The following PNCK variants were observed in gnomAD, a reference collection of about 807,000 sequenced individuals.
The protein encoded by PNCK is pregnancy up-regulated nonubiquitous CaM kinase.
In PNCK, 21 loss-of-function variants were observed where a neutral mutation model predicts 28.3. The ratio of observed to expected loss-of-function variants is 0.74; its 90% CI spans 0.53 to 1.07. The LOEUF (loss-of-function observed/expected upper bound fraction) is 1.07, where lower values mean the gene tolerates loss of function less well. Ranked by LOEUF, PNCK falls within the 50% of genes least tolerant of loss-of-function variation. The pLI is 0.00. For missense variants in PNCK, 250 were observed against 298.3 expected, an observed-to-expected ratio of 0.84 and a Z score of 1.19; for synonymous variants, 136 against 125.2, an observed-to-expected ratio of 1.09 and a Z score of -0.58.
chrX:153,672,559 T>C lies in PNCK; in HGVS notation c.200+7A>G, dbSNP rs2091316982. 8.3e-7 allele frequency: 1 copy of C among 1,202,011 alleles called. No individual in the cohort carries two copies. The highest frequency in any genetic ancestry group is 1.8e-5 in the South Asian group (1 of 56,531). On this transcript the variant is annotated splice_region_variant and intron_variant, in intron 3 of 11. Transcript: ENST00000340888. ...TGCCCCGTCCCAGGGCCCCGCGAGG[T>C]GCGCACCTACGGAGCACTGCGATCT...
chrX:153,686,365 C>T (rs2091419422), intron 1 of PNCK: 2 of 111,197 alleles, frequency 1.8e-5, no homozygotes, highest in Non-Finnish European at 3.8e-5. Context: ...GTCTCCCCTG[C>T]CCGCGGCTCC....
In PNCK at chrX:153,673,649, C is replaced by A. The variant is rs2148343109; in HGVS notation, c.-3+131G>T. Reference sequence around the variant, plus strand: ...CGCCCGCGTCCCGAGCTGCGTGGACCGAGCGCGTGCGGGCAGGGGGCGCGC... The same window carrying A: ...CGCCCGCGTCCCGAGCTGCGTGGACAGAGCGCGTGCGGGCAGGGGGCGCGC... On this transcript the variant is annotated intron_variant, in intron 1 of 11. Coordinates refer to ENST00000340888, the MANE Select transcript of PNCK (RefSeq NM_001366977.1). 4 of 348,688 alleles carry A rather than the reference C, an allele frequency of 1.1e-5. No individual in the cohort carries two copies. In the South Asian group the frequency reaches 4.3e-4, roughly 37 times the overall value. The allele number at this position is 348,688 out of a possible 1,213,427, so 28.7% of individuals were successfully genotyped here.
At chrX:153,682,315 CTG>C (rs1442343228) in intron 1 of PNCK, among the ~76,000 whole-genome samples, 4 of 111,586 alleles carry the variant, frequency 3.6e-5, no homozygotes, top group Non-Finnish European at 7.5e-5. Context: ...GGGTGTCGCA[CTG>C]TCTCTCAGGC....
Position 153,670,908 on chromosome X carries a change from TC to T in PNCK, c.806+9del. The T allele has an allele frequency of 1.7e-6, 2 of 1,211,904 alleles. No individual in the cohort carries two copies. The highest frequency in any genetic ancestry group is 2.2e-6 in the Non-Finnish European group (2 of 895,391). ...TGGCCCTGGGGCAGCTCAGCAGGGCTCCCACTCACCAAAGGTGCCGCAAGGC... is the reference window on the plus strand; with the variant it reads ...TGGCCCTGGGGCAGCTCAGCAGGGCTCCACTCACCAAAGGTGCCGCAAGGC... On this transcript the variant is annotated intron_variant, in intron 9 of 11. Transcript: ENST00000340888.
intron 1 of PNCK, among the ~76,000 whole-genome samples, chrX:153,681,243 A>G (rs2091394512): frequency 8.9e-6 from 1 of 111,776 alleles, no homozygotes; most frequent in Non-Finnish European, 1.9e-5. Context: ...AGAACAAAAC[A>G]TTACTTGTGT....
upstream of PNCK, among the ~76,000 whole-genome samples, chrX:153,677,743 GTATATATAGTGTGTATATATAGTGTGTA>G (rs1168379596): frequency 4.9e-5 from 5 of 102,311 alleles, no homozygotes; most frequent in Non-Finnish European, 9.8e-5. Flanking sequence ...TATATAGTGT[GTATATATAGTGTGTATATATAGTGTGTA>G]TATATATAGT....
Position 153,673,554 on chromosome X carries a change from G to C in PNCK, c.-3+226C>G. The C allele has an allele frequency of 8.9e-6, 3 of 338,471 alleles. No individual in the cohort carries two copies. In the East Asian group the frequency reaches 1.9e-4, roughly 21 times the overall value. 27.9% of individuals were successfully genotyped at this position (338,471 alleles called of 1,213,427 possible). ...CGCGCAGCCACCTGCCAAGACCGCG[G>C]CCACCCACGCGGCCGCAGACGCAGC... On this transcript the variant is annotated intron_variant, in intron 1 of 11. Coordinates refer to ENST00000340888, the MANE Select transcript of PNCK (RefSeq NM_001366977.1).
chrX:153,672,754 G>C (rs1268979436), intron 2 of PNCK, 57 bp from the exon 3 acceptor site: 39 of 1,140,477 alleles, frequency 3.4e-5, no homozygotes, highest in Non-Finnish European at 3.8e-5. Context: ...GGAGAGGCAG[G>C]AGGGAGAGAG....
upstream of PNCK, among the ~76,000 whole-genome samples, chrX:153,676,721 G>A (rs2091367871): frequency 9.1e-6 from 1 of 110,101 alleles, no homozygotes; most frequent in Admixed American, 9.7e-5. Context: ...AAAATTAGCC[G>A]GGCATGGTGG....
At chrX:153,685,255 C>T (rs1400048300) in intron 1 of PNCK, among the ~76,000 whole-genome samples, 5 of 111,152 alleles carry the variant, frequency 4.5e-5, no homozygotes, top group Admixed American at 9.4e-5. Context: ...AGCCCGAGAA[C>T]GCTTTGAAGC....
rs781961193 is a variant in PNCK at position 153,670,445 on chromosome X, C to T, written c.*7+5G>A. On this transcript the variant is annotated splice_donor_5th_base_variant and intron_variant, in intron 11 of 11. Transcript: ENST00000340888. Reference sequence around the variant, plus strand: ...CCTGGGCGTGCAGGGTCCACCCAAACACACCTGGGCATCACCACTTGGGGG... The same window carrying T: ...CCTGGGCGTGCAGGGTCCACCCAAATACACCTGGGCATCACCACTTGGGGG... The T allele has an allele frequency of 1.7e-6, 2 of 1,211,498 alleles. No individual in the cohort carries two copies. The highest frequency in any genetic ancestry group is 2.2e-6 in the Non-Finnish European group (2 of 895,464).
upstream of PNCK, chrX:153,674,528 G>A (rs782334604): frequency 1.1e-4 from 17 of 159,235 alleles, no homozygotes; most frequent in African/African-American, 1.5e-4. Context: ...ATCAGATCTC[G>A]GCTCAAATGT....
At chrX:153,683,862 G>C (rs2091405790) in intron 1 of PNCK, among the ~76,000 whole-genome samples, 1 of 111,729 alleles carries the variant, frequency 9.0e-6, no homozygotes, top group African/African-American at 3.3e-5. Context: ...GAGCCATCTG[G>C]TAGTGAGAAA....
intron 1 of PNCK, chrX:153,687,264 AG>A (rs782586768): frequency 1.9e-4 from 49 of 253,309 alleles, no homozygotes; most frequent in African/African-American, 1.1e-3. Context: ...TTCCCGCTCC[AG>A]TCCCCTCAAG....
At position 153,670,217 on chromosome X, in the gene PNCK, G is replaced by A. The variant is rs911077150; in HGVS notation, c.*8-87C>T. ...CCACCCCCCGCCTCGGTCAAATCCC[G>A]GACTTCTTAGAGGCCCTCTCCCCCT... On this transcript the variant is annotated intron_variant, in intron 11 of 11. Transcript: ENST00000340888. The A allele has an allele frequency of 8.4e-5, 37 of 439,603 alleles. No homozygotes were observed. The East Asian group carries it at 1.1e-3, about 13-fold the overall frequency. The allele number at this position is 439,603 out of a possible 1,213,427, so 36.2% of individuals were successfully genotyped here. A position where few individuals can be genotyped will look rare whatever the true frequency, so the allele number is the denominator to read the frequency against.
chrX:153,673,945 C>G (rs1267342831), upstream of PNCK: 6 of 1,053,522 alleles, frequency 5.7e-6, no homozygotes, highest in African/African-American at 8.0e-5. Flanking sequence ...AGGCAATCGC[C>G]GGGATCCGGC....
At chrX:153,683,767 G>T (rs781982325) in intron 1 of PNCK, among the ~76,000 whole-genome samples, 1 of 111,436 alleles carries the variant, frequency 9.0e-6, no homozygotes, top group African/African-American at 3.3e-5. Flanking sequence ...CTGGTTGGGT[G>T]GGGGATGATT....
At chrX:153,683,466 CAG>C (rs1394502627) in intron 1 of PNCK, among the ~76,000 whole-genome samples, 1 of 95,350 alleles carries the variant, frequency 1.0e-5, no homozygotes, top group Middle Eastern at 7.0e-3. Context: ...TTTTTTGAGA[CAG>C]AGTCTCACTC....
intron 1 of PNCK, among the ~76,000 whole-genome samples, chrX:153,680,757 C>T (rs1557042353): frequency 9.2e-6 from 1 of 109,211 alleles, no homozygotes; most frequent in Non-Finnish European, 1.9e-5. Context: ...GGGCTGGGCG[C>T]GGTGGCTCAT....
Sources: allele counts gnomAD v4.1 joint callset (sites outside exome capture counted in the v4.1 genomes callset), GRCh38; gene constraint gnomAD v4.1.1; transcripts MANE v1.5; gene names NCBI Gene and HGNC (gene_info 2026-07-23, HGNC 2026-07-21).